PCDHGB5: variants seen among roughly 807,000 people sequenced by gnomAD.
PCDHGB5 encodes the protein protocadherin gamma subfamily B, 5.
Under a neutral mutation model 62.9 loss-of-function variants are expected in PCDHGB5, and 48 were observed. The observed-to-expected ratio is 0.76, with a 90% CI of 0.61 to 0.97. PCDHGB5 has a LOEUF of 0.97. Among genes scored for constraint, PCDHGB5 ranks in the 50% least tolerant of loss-of-function variants. The pLI, the probability that PCDHGB5 is intolerant of heterozygous loss-of-function variation, is 0.00. For missense variants in PCDHGB5, 1,118 were observed against 1,198.6 expected, an observed-to-expected ratio of 0.93 and a Z score of 0.99; for synonymous variants, 474 against 511.2, an observed-to-expected ratio of 0.93 and a Z score of 0.98.
At position 141,511,247 on chromosome 5, in the gene PCDHGB5, C is replaced by A; in HGVS notation, c.*74C>A. The A allele has an allele frequency of 1.3e-6, 2 of 1,577,162 alleles. No individual in the cohort carries two copies. The highest frequency in any genetic ancestry group is 1.7e-6 in the Non-Finnish European group (2 of 1,161,712). On this transcript the variant is annotated 3_prime_UTR_variant, in exon 4 of 4. Transcript: ENST00000617380. Reference sequence around the variant, plus strand: ...CAGCTTCTCCTTACCTGCACCCAGGCCTCAGAGTTTCAGGGCTAACCCCCA... The same window carrying A: ...CAGCTTCTCCTTACCTGCACCCAGGACTCAGAGTTTCAGGGCTAACCCCCA...
intron 2 of PCDHGB5, among the ~76,000 whole-genome samples, chr5:141,503,886 T>G (rs150106838): frequency 8.2e-4 from 125 of 152,290 alleles, no homozygotes; most frequent in African/African-American, 2.9e-3. Flanking sequence ...TCACCCACCA[T>G]GACAAAATAT....
intron 1 of PCDHGB5, chr5:141,422,056 G>A: frequency 8.7e-6 from 14 of 1,611,934 alleles, no homozygotes; most frequent in Non-Finnish European, 1.2e-5. Flanking sequence ...AATCAACGGG[G>A]AAGTAATGTA....
At chr5:141,482,234 A>G (rs11748256) in intron 1 of PCDHGB5, among the ~76,000 whole-genome samples, 44,758 of 152,044 alleles carry the variant, frequency 0.29, 7,110 homozygotes, top group African/African-American at 0.42. Context: ...GAAATTGCCA[A>G]TATAAGTATA....
chr5:141,476,756 C>T lies in PCDHGB5; in HGVS notation c.2398-18051C>T. On this transcript the variant is annotated intron_variant, in intron 1 of 3. Transcript: ENST00000617380. The surrounding 1 kb of genome is among the most constrained non-coding windows in gnomAD (Gnocchi z 7.6). ...ACGGGAGCCTAGTCTCCAGTTAGTGCTGACGGCGTTGGACGGAGGGACCCC... is the reference window on the plus strand; with the variant it reads ...ACGGGAGCCTAGTCTCCAGTTAGTGTTGACGGCGTTGGACGGAGGGACCCC... 3 of 1,613,928 alleles carry T rather than the reference C, an allele frequency of 1.9e-6. No homozygotes were observed. Among genetic ancestry groups the T allele is most frequent in the Non-Finnish European group, 2.5e-6 (3 of 1,180,010 alleles).
At chr5:141,433,208 CTT>C (rs745329085) in intron 1 of PCDHGB5, 289 of 1,287,502 alleles carry the variant, frequency 2.2e-4, no homozygotes, top group South Asian at 2.8e-4. Context: ...AATCTTCTTT[CTT>C]TTTTTTTTTT....
rs201458212 is a variant in PCDHGB5 at position 141,487,439 on chromosome 5, T to A, written c.2398-7368T>A. On this transcript the variant is annotated intron_variant, in intron 1 of 3. Coordinates refer to ENST00000617380, the MANE Select transcript of PCDHGB5 (RefSeq NM_018925.3). The surrounding 1 kb of genome is among the most constrained non-coding windows in gnomAD (Gnocchi z 5.0). ...TGGGATCCTCCGAATCCAGCTAGGG[T>A]CAGATGACCCTATCAAGTTTGTTGA... The A allele has an allele frequency of 1.5e-4, 242 of 1,613,808 alleles. No individual in the cohort carries two copies. Among genetic ancestry groups the A allele is most frequent in the Non-Finnish European group, 1.9e-4 (230 of 1,179,978 alleles).
Position 141,399,470 on chromosome 5 carries a change from T to C in PCDHGB5, c.1343T>C (p.Phe448Ser), listed in dbSNP as rs773359741. 70 of 1,614,018 alleles carry C rather than the reference T, an allele frequency of 4.3e-5. No individual in the cohort carries two copies. The Middle Eastern group carries it at 4.9e-4, about 11-fold the overall frequency. Residue 448 changes from phenylalanine (F) to serine (S), a missense_variant, in exon 1 of 4, where the codon TTC becomes TCC. Coordinates refer to ENST00000617380, the MANE Select transcript of PCDHGB5 (RefSeq NM_018925.3). ...GACGTCAACGATAACGCTCCGGTTT[T>C]CCACCAGGCGTCCTACTTAGTCAGT... is the stretch of plus-strand genomic sequence containing the variant. ...IRDVNDNAPVFHQASYLVSVP... is the reference protein window; with the variant it reads ...IRDVNDNAPVSHQASYLVSVP...
chr5:141,492,077 C>G (rs917149790), intron 1 of PCDHGB5: 1 of 483,342 alleles, frequency 2.1e-6, no homozygotes, highest in African/African-American at 2.0e-5. Context: ...GGCGCCGGCT[C>G]CGGCACGCTT....
intron 1 of PCDHGB5, chr5:141,409,251 C>T (rs2095247124): frequency 6.2e-7 from 1 of 1,613,922 alleles, no homozygotes; most frequent in Non-Finnish European, 8.5e-7. Context: ...ATAATCATCA[C>T]TTCTCTCTCT....
At chr5:141,403,868 A>T (rs2094463706) in intron 1 of PCDHGB5, 2 of 1,613,752 alleles carry the variant, frequency 1.2e-6, no homozygotes, top group Non-Finnish European at 1.7e-6. Context: ...AACAGCAAAA[A>T]GTCTAGATTA....
At chr5:141,471,111 C>T (rs529680278) in intron 1 of PCDHGB5, among the ~76,000 whole-genome samples, 1 of 146,150 alleles carries the variant, frequency 6.8e-6, no homozygotes, top group African/African-American at 2.6e-5. Flanking sequence ...TGCAGTGGTG[C>T]GATCTTACCT....
chr5:141,404,995 T>A (rs1561697585), intron 1 of PCDHGB5: 1 of 1,614,008 alleles, frequency 6.2e-7, no homozygotes, highest in Non-Finnish European at 8.5e-7. Context: ...TTCAGATCCC[T>A]GCAGACCTGG....
intron 1 of PCDHGB5, chr5:141,410,620 G>T (rs765125633): frequency 6.2e-7 from 1 of 1,603,524 alleles, no homozygotes. Flanking sequence ...CTCTGACTTC[G>T]GTGAGTTTCT....
At chr5:141,438,396 ACT>A (rs2097958956) in intron 1 of PCDHGB5, among the ~76,000 whole-genome samples, 2 of 150,930 alleles carry the variant, frequency 1.3e-5, no homozygotes, top group African/African-American at 4.9e-5. Context: ...TTCATCATTA[ACT>A]CTCTGAAGTA....
chr5:141,419,177 C>G (rs1223789288), intron 1 of PCDHGB5: 3 of 1,613,980 alleles, frequency 1.9e-6, no homozygotes, highest in Non-Finnish European at 2.5e-6. Flanking sequence ...AACCATAACC[C>G]TGCACATTAC....
chr5:141,418,282 A>T (rs1209026046), intron 1 of PCDHGB5: 2 of 1,614,030 alleles, frequency 1.2e-6, no homozygotes, highest in Non-Finnish European at 1.7e-6. Flanking sequence ...TAAACTTAGA[A>T]ATCAGTGAAT....
At chr5:141,461,456 T>C (rs12186717) in intron 1 of PCDHGB5, among the ~76,000 whole-genome samples, 42,391 of 152,030 alleles carry the variant, frequency 0.28, 6,631 homozygotes, top group African/African-American at 0.43. Context: ...AATGGCTATT[T>C]GTGTCCTTTG....
At chr5:141,449,202 C>T (rs77980623) in intron 1 of PCDHGB5, among the ~76,000 whole-genome samples, 7,411 of 152,148 alleles carry the variant, frequency 0.049, 284 homozygotes, top group African/African-American at 0.1. Context: ...AGTGTTAATT[C>T]TAACTTTCTG....
At chr5:141,458,662 C>A (rs948275548) in intron 1 of PCDHGB5, among the ~76,000 whole-genome samples, 2 of 152,064 alleles carry the variant, frequency 1.3e-5, no homozygotes, top group Non-Finnish European at 2.9e-5. Flanking sequence ...CTCCACCTCT[C>A]GGGTTCAAGC....
Sources: allele counts gnomAD v4.1 joint callset (sites outside exome capture counted in the v4.1 genomes callset), GRCh38; gene constraint gnomAD v4.1.1; non-coding constraint Gnocchi (gnomAD v3.1); transcripts MANE v1.5; gene names NCBI Gene and HGNC (gene_info 2026-07-23, HGNC 2026-07-21).